Variants in FRMPD1 observed in about 807,000 individuals in gnomAD.
FRMPD1 encodes FERM and PDZ domain containing 1.
A neutral mutation model predicts 117.8 loss-of-function variants in FRMPD1; 76 were observed. The ratio of observed to expected loss-of-function variants is 0.65; its 90% CI spans 0.54 to 0.78. The LOEUF (loss-of-function observed/expected upper bound fraction) is 0.78, where lower values mean the gene tolerates loss of function less well. Ranked by LOEUF, FRMPD1 falls within the 30% of genes least tolerant of loss-of-function variation. FRMPD1 has a pLI of 0.00. For synonymous variants in FRMPD1, 783 were observed against 770.4 expected (o/e 1.02, Z -0.27); for missense variants, 1,786 against 1,964.5 (o/e 0.91, Z 1.72).
At chr9:37,673,406 A>G (rs1821421758) in intron 1 of FRMPD1, among the ~76,000 whole-genome samples, 1 of 152,198 alleles carries the variant, frequency 6.6e-6, no homozygotes, top group Admixed American at 6.5e-5. Flanking sequence ...TTTGCAGGGT[A>G]CAGCCTCCCT....
At chr9:37,609,609 G>C in the FRMPD1 span, among the ~76,000 whole-genome samples, 2 of 152,146 alleles carry the variant, frequency 1.3e-5, no homozygotes, top group Non-Finnish European at 2.9e-5. Flanking sequence ...CTTTCACCCG[G>C]ATGATTGCAG....
chr9:37,637,309 C>A, the FRMPD1 span: 2 of 1,277,628 alleles, frequency 1.6e-6, no homozygotes, highest in Non-Finnish European at 2.3e-6. Context: ...CGGCGGAAGC[C>A]CGCTCAGTCG....
At chr9:37,684,803 C>T (rs1044047125) in intron 1 of FRMPD1, among the ~76,000 whole-genome samples, 3 of 152,152 alleles carry the variant, frequency 2.0e-5, no homozygotes, top group African/African-American at 7.2e-5. Context: ...ACCCAGGCTA[C>T]AGTGCAGTGG....
intron 1 of FRMPD1, among the ~76,000 whole-genome samples, chr9:37,681,428 A>G (rs192319434): frequency 1.3e-5 from 2 of 152,122 alleles, no homozygotes; most frequent in Non-Finnish European, 2.9e-5. Flanking sequence ...AGGAATAATC[A>G]TGTGGTCTAA....
chr9:37,684,488 G>A (rs1165273057), intron 1 of FRMPD1, among the ~76,000 whole-genome samples: 1 of 152,130 alleles, frequency 6.6e-6, no homozygotes, highest in Non-Finnish European at 1.5e-5. Context: ...GGAACCACTG[G>A]GGGATTTTTG....
intron 1 of FRMPD1, among the ~76,000 whole-genome samples, chr9:37,655,894 C>T (rs1820828841): frequency 6.6e-6 from 1 of 152,100 alleles, no homozygotes; most frequent in Non-Finnish European, 1.5e-5. Context: ...CCTTGGTGGT[C>T]CTGCCTATGC....
the FRMPD1 span, among the ~76,000 whole-genome samples, chr9:37,623,250 A>C: frequency 6.6e-6 from 1 of 152,204 alleles, no homozygotes; most frequent in African/African-American, 2.4e-5. Flanking sequence ...GGGTACCACC[A>C]TGAACGAGAC....
At chr9:37,637,054 C>G in the FRMPD1 span, 8 of 1,545,646 alleles carry the variant, frequency 5.2e-6, no homozygotes, top group Non-Finnish European at 7.2e-6. Flanking sequence ...AGCCATGAGC[C>G]CCCCGGTAGT....
At position 37,691,583 on chromosome 9, in the gene FRMPD1, A is replaced by G. The variant is rs545836210; in HGVS notation, c.-4-1055A>G. On this transcript the variant is annotated intron_variant, in intron 1 of 15. Transcript: ENST00000377765. ...ATCTTTGCAAACTTTTTATACATCT[A>G]AAAGTGTTCCAAGATAATTTTTTTA... Among the ~76,000 whole-genome samples the G allele has an allele frequency of 4.6e-5, 7 of 152,370 alleles. No homozygotes were observed. The South Asian group carries it at 1.4e-3, about 32-fold the overall frequency.
intron 1 of FRMPD1, among the ~76,000 whole-genome samples, chr9:37,681,949 C>T (rs1363715907): frequency 1.3e-5 from 2 of 152,206 alleles, no homozygotes; most frequent in African/African-American, 4.8e-5. Context: ...CAAGACTACA[C>T]AGCAGCTCTG....
intron 1 of FRMPD1, among the ~76,000 whole-genome samples, chr9:37,675,630 C>T (rs1453471258): frequency 6.6e-6 from 1 of 152,070 alleles, no homozygotes; most frequent in Non-Finnish European, 1.5e-5. Flanking sequence ...TAATGGTGCT[C>T]ATGATGTAGG....
the FRMPD1 span, among the ~76,000 whole-genome samples, chr9:37,605,446 G>T: frequency 6.6e-6 from 1 of 152,180 alleles, no homozygotes; most frequent in Non-Finnish European, 1.5e-5. Flanking sequence ...TGAGAAAGCA[G>T]CCTGGTCATT....
chr9:37,648,371 G>A (rs1349451616), upstream of FRMPD1, among the ~76,000 whole-genome samples: 3 of 152,110 alleles, frequency 2.0e-5, no homozygotes, highest in East Asian at 3.9e-4. Flanking sequence ...GGCGCCACAC[G>A]GGTAATAGGA....
intron 1 of FRMPD1, among the ~76,000 whole-genome samples, chr9:37,654,933 A>G (rs12684941): frequency 0.53 from 80,965 of 152,062 alleles, 23,730 homozygotes; most frequent in African/African-American, 0.79. Context: ...TCCTGCTACA[A>G]CTTCGGGGAC....
the FRMPD1 span, among the ~76,000 whole-genome samples, chr9:37,642,126 A>G: frequency 1.3e-5 from 2 of 152,220 alleles, no homozygotes; most frequent in Non-Finnish European, 2.9e-5. Context: ...TCACCTGTTG[A>G]CAGAACAGAG....
chr9:37,676,111 A>G (rs561069943), intron 1 of FRMPD1, among the ~76,000 whole-genome samples: 14 of 152,338 alleles, frequency 9.2e-5, no homozygotes, highest in South Asian at 6.2e-4. Flanking sequence ...CATCACTTTT[A>G]CAGTTGTACC....
chr9:37,674,657 G>A (rs951626769), intron 1 of FRMPD1, among the ~76,000 whole-genome samples: 6 of 152,176 alleles, frequency 3.9e-5, no homozygotes, highest in Non-Finnish European at 8.8e-5. Flanking sequence ...TGGCTAGTGA[G>A]GCCTCAGAAT....
chr9:37,676,564 G>A (rs888103537), intron 1 of FRMPD1, among the ~76,000 whole-genome samples: 1 of 152,146 alleles, frequency 6.6e-6, no homozygotes, highest in African/African-American at 2.4e-5. Flanking sequence ...CAGCTGACCC[G>A]GCTCCCTGAA....
At chr9:37,704,333 G>A (rs1563939863) in intron 2 of FRMPD1, among the ~76,000 whole-genome samples, 2 of 152,046 alleles carry the variant, frequency 1.3e-5, no homozygotes, top group South Asian at 2.1e-4. Flanking sequence ...TATTAACTAC[G>A]AGTTGAAATG....
Sources: gnomAD v4.1 joint callset for allele counts (sites outside exome capture counted in the v4.1 genomes callset) on GRCh38, gnomAD v4.1.1 for gene constraint, MANE v1.5 for transcripts, NCBI Gene and HGNC (gene_info 2026-07-23, HGNC 2026-07-21) for gene names.